The following AP2A2 variants were observed in gnomAD, a reference collection of about 807,000 sequenced individuals.
AP2A2 encodes adaptor related protein complex 2 subunit alpha 2.
AP2A2 carries 32 observed loss-of-function variants against 104.2 expected under a neutral mutation model. The observed-to-expected ratio is 0.31, with a 90% CI of 0.23 to 0.41. The LOEUF (loss-of-function observed/expected upper bound fraction) is 0.41. Ranked by LOEUF, AP2A2 falls within the 10% of genes least tolerant of loss-of-function variation. AP2A2 has a pLI of 1.00. For missense variants in AP2A2, 912 were observed against 1,261.0 expected (o/e 0.72, Z 4.19); for synonymous variants, 539 against 533.3 (o/e 1.01, Z -0.15).
intron 1 of AP2A2, among the ~76,000 whole-genome samples, chr11:937,626 C>T (rs544704025): frequency 3.9e-5 from 6 of 152,322 alleles, no homozygotes; most frequent in Admixed American, 1.3e-4. Flanking sequence ...ACCAAATTCA[C>T]ATTAGCCTAC....
chr11:957,332 G>T (rs1297525778), intron 1 of AP2A2, among the ~76,000 whole-genome samples: 2 of 152,218 alleles, frequency 1.3e-5, no homozygotes, highest in Non-Finnish European at 2.9e-5. Flanking sequence ...GGATAGGCAT[G>T]ATTGACAGCT....
chr11:960,426 C>T (rs1394324264), intron 2 of AP2A2, among the ~76,000 whole-genome samples: 2 of 151,486 alleles, frequency 1.3e-5, no homozygotes, highest in Non-Finnish European at 2.9e-5. Context: ...TTAGTAGAGA[C>T]GAGATTTCTC....
At chr11:953,612 G>A (rs1342410907) in intron 1 of AP2A2, among the ~76,000 whole-genome samples, 13 of 129,856 alleles carry the variant, frequency 1.0e-4, no homozygotes, top group East Asian at 4.2e-4. Context: ...CCCTGGCTCC[G>A]TCCTGGCTCC....
intron 14 of AP2A2, among the ~76,000 whole-genome samples, chr11:995,756 T>C (rs28699027): frequency 1.7e-3 from 2 of 1,162 alleles, no homozygotes; most frequent in African/African-American, 4.8e-3. Context: ...CCCTCTCCCC[T>C]CCCTCCACCT....
intron 5 of AP2A2, among the ~76,000 whole-genome samples, chr11:978,426 C>T (rs566607542): frequency 6.6e-6 from 1 of 152,324 alleles, no homozygotes; most frequent in African/African-American, 2.4e-5. Context: ...AAGGGCACCT[C>T]TCCTTGGATA....
intron 1 of AP2A2, among the ~76,000 whole-genome samples, chr11:957,836 G>A (rs534276279): frequency 6.6e-6 from 1 of 152,358 alleles, no homozygotes; most frequent in South Asian, 2.1e-4. Context: ...TGCTTGGTCA[G>A]TAACAGTCTT....
chr11:966,896 T>C (rs1854635769), intron 2 of AP2A2, among the ~76,000 whole-genome samples: 1 of 151,984 alleles, frequency 6.6e-6, no homozygotes, highest in South Asian at 2.1e-4. Context: ...AGGCCAGGCG[T>C]GGTGGCTCAC....
intron 5 of AP2A2, among the ~76,000 whole-genome samples, chr11:978,213 G>A (rs1301903651): frequency 6.6e-6 from 1 of 152,138 alleles, no homozygotes; most frequent in Admixed American, 6.5e-5. Flanking sequence ...GCTGCACATG[G>A]CAGCCGGTCA....
intron 1 of AP2A2, among the ~76,000 whole-genome samples, chr11:955,333 CTCTT>C (rs1487684182): frequency 2.0e-5 from 3 of 152,234 alleles, no homozygotes; most frequent in Non-Finnish European, 2.9e-5. Flanking sequence ...GTTTTCGTGA[CTCTT>C]TCAGCCAAGT....
At chr11:930,506 A>G (rs1055178985) in intron 1 of AP2A2, among the ~76,000 whole-genome samples, 6 of 151,232 alleles carry the variant, frequency 4.0e-5, no homozygotes, top group African/African-American at 1.5e-4. Flanking sequence ...TAGTCCTTTT[A>G]TTTAGTCCCA....
chr11:929,044 A>AT (rs1222197701), intron 1 of AP2A2, among the ~76,000 whole-genome samples: 2 of 152,198 alleles, frequency 1.3e-5, no homozygotes, highest in African/African-American at 4.8e-5. Context: ...AAGGAAGGTG[A>AT]TTCTTGGGCA....
chr11:976,533 A>G (rs1432808057), intron 4 of AP2A2, among the ~76,000 whole-genome samples: 1 of 152,160 alleles, frequency 6.6e-6, no homozygotes, highest in Non-Finnish European at 1.5e-5. Context: ...TAAGCGGAGC[A>G]TGGAACACGT....
chr11:926,133 G>A (rs560565260), intron 1 of AP2A2, 45 bp downstream of exon 1: 2 of 1,210,880 alleles, frequency 1.7e-6, no homozygotes, highest in Admixed American at 4.3e-5. Flanking sequence ...GGCCGCCGGC[G>A]GAGACGGGGT....
chr11:992,675 CTG>C lies in AP2A2; in HGVS notation c.1446_1447del (p.Phe483ArgfsTer160). The C allele has an allele frequency of 6.2e-7, 1 of 1,613,874 alleles. No individual in the cohort carries two copies. The highest frequency in any genetic ancestry group is 8.5e-7 in the Non-Finnish European group (1 of 1,179,892). On this transcript the variant is annotated frameshift_variant, in exon 11 of 22. Transcript: ENST00000448903. LOFTEE classifies it high-confidence loss of function. The surrounding 1 kb of genome is among the most constrained non-coding windows in gnomAD (Gnocchi z 6.4). The stretch of plus-strand genomic sequence containing the variant: ...GACGTGCAGGGCTACGCGGCCAAGA[CTG>C]TGTTCGAGGTATGGCCCGCAGGATG...
At chr11:1,002,315 G>T (rs1005023815) in intron 15 of AP2A2, among the ~76,000 whole-genome samples, 1 of 152,258 alleles carries the variant, frequency 6.6e-6, no homozygotes, top group Non-Finnish European at 1.5e-5. Context: ...CGCCTCGGCC[G>T]GCTCCTCCTG....
chr11:952,393 AG>A, intron 1 of AP2A2, among the ~76,000 whole-genome samples: 1 of 152,354 alleles, frequency 6.6e-6, no homozygotes, highest in South Asian at 2.1e-4. Context: ...AAGAATGACC[AG>A]GGACAATAAT....
Position 1,011,218 on chromosome 11 carries a change from G to A in AP2A2, c.*593G>A, listed in dbSNP as rs748436515. 3.3e-5 allele frequency: 17 copies of A among 519,866 alleles called. No homozygotes were observed. Among genetic ancestry groups the A allele is most frequent in the Middle Eastern group, 6.3e-4 (2 of 3,174 alleles). The allele number at this position is 519,866 out of a possible 1,614,324, so 32.2% of individuals were successfully genotyped here. The stretch of plus-strand genomic sequence containing the variant: ...TCTGGCAAAAGCACGTGTCCTGGCC[G>A]GATGTAACTGTTCTCCTTTCCCAGC... On this transcript the variant is annotated 3_prime_UTR_variant, in exon 22 of 22. Transcript: ENST00000448903.
chr11:1,009,388 C>T lies in AP2A2; in HGVS notation c.2598C>T (p.Thr866=). ...KAKHPMDTEV[T]KAKIIGFGSA... ...AGCACCCAATGGACACAGAAGTCACCAAAGCCAAGGTAACACGTCTGGAGG... is the reference window on the plus strand; with the variant it reads ...AGCACCCAATGGACACAGAAGTCACTAAAGCCAAGGTAACACGTCTGGAGG... The change falls in exon 20 of 22, where the codon ACC becomes ACT. Residue 866 remains threonine, a synonymous_variant. Coordinates refer to ENST00000448903, the MANE Select transcript of AP2A2 (RefSeq NM_012305.4). The T allele has an allele frequency of 6.2e-7, 1 of 1,613,160 alleles. No homozygotes were observed. The highest frequency in any genetic ancestry group is 8.5e-7 in the Non-Finnish European group (1 of 1,179,478).
intron 10 of AP2A2, among the ~76,000 whole-genome samples, chr11:989,246 G>GA (rs1276372538): frequency 1.3e-5 from 2 of 152,092 alleles, no homozygotes; most frequent in African/African-American, 4.8e-5. Flanking sequence ...AGAATCGCTT[G>GA]AACCCGGGAG....
Sources: gnomAD v4.1 joint callset for allele counts (sites outside exome capture counted in the v4.1 genomes callset) on GRCh38, gnomAD v4.1.1 for gene constraint, Gnocchi (gnomAD v3.1) non-coding constraint, MANE v1.5 for transcripts, NCBI Gene and HGNC (gene_info 2026-07-23, HGNC 2026-07-21) for gene names.